PRPF8: variants seen among roughly 807,000 people sequenced by gnomAD.
PRPF8 encodes the protein pre-mRNA-processing-splicing factor 8.
A neutral mutation model predicts 285.9 loss-of-function variants in PRPF8; 64 were observed. That is an observed-to-expected ratio of 0.22 (90% CI 0.18 to 0.28). The LOEUF (loss-of-function observed/expected upper bound fraction) is 0.28. Ranked by LOEUF, PRPF8 falls within the 10% of genes least tolerant of loss-of-function variation. PRPF8 has a pLI of 1.00. For synonymous variants in PRPF8, 1,325 were observed against 1,118.2 expected, an observed-to-expected ratio of 1.18 and a Z score of -3.69; for missense variants, 1,426 against 3,026.7, an observed-to-expected ratio of 0.47 and a Z score of 12.41.
In PRPF8 at chr17:1,679,819, A is replaced by C. The variant is rs1387125949; in HGVS notation, c.1099-20T>G. On this transcript the variant is annotated intron_variant, in intron 8 of 42. Transcript: ENST00000304992. This position sits in a 1 kb window ranked among gnomAD's most constrained non-coding sequence, Gnocchi z 4.7. ...CTGGCTCTGAAAAAGGAATCCCTCT[A>C]AGGGTTTAGCTCCTGCTGAACTAGG... The C allele has an allele frequency of 6.2e-7, 1 of 1,614,080 alleles. No homozygotes were observed. Among genetic ancestry groups the C allele is most frequent in the East Asian group, 2.2e-5 (1 of 44,894 alleles).
chr17:1,662,593 G>GGA (rs1911726845), intron 24 of PRPF8, among the ~76,000 whole-genome samples: 1 of 132,828 alleles, frequency 7.5e-6, no homozygotes, highest in African/African-American at 2.8e-5. Flanking sequence ...CATCTCAGGG[G>GGA]AAAAAAAAAA....
rs945351441 is a variant in PRPF8 at position 1,673,986 on chromosome 17, A to T, written c.3300-94T>A. 4 of 1,378,356 alleles carry T rather than the reference A, an allele frequency of 2.9e-6. No homozygotes were observed. The highest frequency in any genetic ancestry group is 4.0e-6 in the Non-Finnish European group (4 of 988,668). The allele number at this position is 1,378,356 out of a possible 1,614,324, so 85.4% of individuals were successfully genotyped here. On this transcript the variant is annotated intron_variant, in intron 21 of 42. Coordinates refer to ENST00000304992, the MANE Select transcript of PRPF8 (RefSeq NM_006445.4). This position sits in a 1 kb window ranked among gnomAD's most constrained non-coding sequence, Gnocchi z 5.5. ...GCTCAATAGACGGAGACCCCACCCC[A>T]TCCTACCCCCACCCTCCCCGGGCTT...
chr17:1,676,805 G>A lies in PRPF8; in HGVS notation c.2182-94C>T, dbSNP rs1043047789. 7 of 1,508,056 alleles carry A rather than the reference G, an allele frequency of 4.6e-6. No individual in the cohort carries two copies. Among genetic ancestry groups the A allele is most frequent in the East Asian group, 2.2e-5 (1 of 44,448 alleles). The allele number at this position is 1,508,056 out of a possible 1,614,324, so 93.4% of individuals were successfully genotyped here. A position where few individuals can be genotyped will look rare whatever the true frequency, so the allele number is the denominator to read the frequency against. Reference sequence around the variant, plus strand: ...GCTACTCAGGAGGCTAAGGAGGATCGCTTGAGCTCAGGAGCTTGAGGCCAG... The same window carrying A: ...GCTACTCAGGAGGCTAAGGAGGATCACTTGAGCTCAGGAGCTTGAGGCCAG... On this transcript the variant is annotated intron_variant, in intron 15 of 42. Coordinates refer to ENST00000304992, the MANE Select transcript of PRPF8 (RefSeq NM_006445.4). This position sits in a 1 kb window ranked among gnomAD's most constrained non-coding sequence, Gnocchi z 6.3.
chr17:1,661,868 A>C lies in PRPF8; in HGVS notation c.4022+38T>G. On this transcript the variant is annotated intron_variant, in intron 25 of 42. Transcript: ENST00000304992. This position sits in a 1 kb window ranked among gnomAD's most constrained non-coding sequence, Gnocchi z 7.3. ...AAATACCCACTTCCCTTAGGGCCTG[A>C]GCAATAGGGTTTAGAAATACGTTGA... 1 of 1,614,176 alleles carries C rather than the reference A, an allele frequency of 6.2e-7. No homozygotes were observed. The highest frequency in any genetic ancestry group is 1.3e-5 in the African/African-American group (1 of 75,028).
rs1414304065 is a variant in PRPF8, at chr17:1,678,422, G to A, written c.1854+96C>T. 13 of 1,492,166 alleles carry A rather than the reference G, an allele frequency of 8.7e-6. No homozygotes were observed. The Admixed American group carries it at 1.3e-4, about 15-fold the overall frequency. The allele number at this position is 1,492,166 out of a possible 1,614,324, so 92.4% of individuals were successfully genotyped here. A position where few individuals can be genotyped will look rare whatever the true frequency, so the allele number is the denominator to read the frequency against. On this transcript the variant is annotated intron_variant, in intron 13 of 42. Transcript: ENST00000304992. Reference sequence around the variant, plus strand: ...TGCTTGAACTCAGGAGGCGGAGGTTGCAGTGAGCCAAGATCGTGCCATTGC... The same window carrying A: ...TGCTTGAACTCAGGAGGCGGAGGTTACAGTGAGCCAAGATCGTGCCATTGC...
chr17:1,660,855 G>T (rs776267035), intron 28 of PRPF8, 28 bp from the exon 29 acceptor site: 1 of 1,613,328 alleles, frequency 6.2e-7, no homozygotes, highest in East Asian at 2.2e-5. Flanking sequence ...CAGGTGAGGT[G>T]ATATCCTGCC....
At chr17:1,674,366 G>T in intron 21 of PRPF8, 76 bp downstream of exon 21, 1 of 1,448,800 alleles carries the variant, frequency 6.9e-7, no homozygotes, top group Non-Finnish European at 9.7e-7. Context: ...AGTCAACTCA[G>T]GTACAATAGC....
chr17:1,658,316 T>C lies in PRPF8; in HGVS notation c.5442A>G (p.Thr1814=). Residue 1814 remains threonine (T), a synonymous_variant, in exon 34 of 43, where the codon ACA becomes ACG. Transcript: ENST00000304992. This position sits in a 1 kb window ranked among gnomAD's most constrained non-coding sequence, Gnocchi z 4.1. The part of the protein sequence containing the change: ...NGAIFIFNPR[T]GQLFLKIIHT... ...GGATTATCTTGAGGAACAGCTGCCC[T>C]GTGCGTGGGTTGAAGATGAAGATGG... 2 of 1,614,212 alleles carry C rather than the reference T, an allele frequency of 1.2e-6. No homozygotes were observed. The highest frequency in any genetic ancestry group is 2.2e-5 in the East Asian group (1 of 44,886).
In PRPF8 at chr17:1,672,318, C is replaced by T. The variant is rs531472339; in HGVS notation, c.3774+763G>A. Among the ~76,000 whole-genome samples, 54 of 152,262 alleles carry T rather than the reference C, an allele frequency of 3.5e-4. 1 individual carries two copies. Among genetic ancestry groups the T allele is most frequent in the Admixed American group, 1.2e-3 (18 of 15,290 alleles). ...TTTTGAGATAGAGTTTTTGCTCTGT[C>T]GCCCAGGCTAGAGTGCAATGGTACG... On this transcript the variant is annotated intron_variant, in intron 24 of 42. Coordinates refer to ENST00000304992, the MANE Select transcript of PRPF8 (RefSeq NM_006445.4).
chr17:1,667,059 G>A (rs1912028511), intron 24 of PRPF8, among the ~76,000 whole-genome samples: 1 of 152,128 alleles, frequency 6.6e-6, no homozygotes, highest in Non-Finnish European at 1.5e-5. Context: ...TGTAATCCCA[G>A]CTACTCAGGA....
rs1006401848 is a variant in PRPF8 at position 1,661,859 on chromosome 17, T to C, written c.4022+47A>G. ...AAACTAAAGAAATACCCACTTCCCT[T>C]AGGGCCTGAGCAATAGGGTTTAGAA... On this transcript the variant is annotated intron_variant, in intron 25 of 42. Coordinates refer to ENST00000304992, the MANE Select transcript of PRPF8 (RefSeq NM_006445.4). The surrounding 1 kb of genome is among the most constrained non-coding windows in gnomAD (Gnocchi z 7.3). 9.9e-6 allele frequency: 16 copies of C among 1,614,054 alleles called. No homozygotes were observed. Among genetic ancestry groups the C allele is most frequent in the East Asian group, 6.7e-5 (3 of 44,900 alleles).
rs766964232 is a variant in PRPF8 at position 1,679,716 on chromosome 17, A to G, written c.1182T>C (p.Tyr394=). The G allele has an allele frequency of 6.2e-7, 1 of 1,614,172 alleles. No homozygotes were observed. The highest frequency in any genetic ancestry group is 1.1e-5 in the South Asian group (1 of 91,082). The change falls in exon 9 of 43, where the codon TAT becomes TAC. Residue 394 remains tyrosine (Y), a synonymous_variant. Coordinates refer to ENST00000304992, the MANE Select transcript of PRPF8 (RefSeq NM_006445.4). The surrounding 1 kb of genome is among the most constrained non-coding windows in gnomAD (Gnocchi z 4.7). ...CAATGCCATTGGCTGTATTGTCTGT[A>G]TAGAGGGGTGTGTCCTTCAGGAAGG... ...VEPFLKDTPL[Y]TDNTANGIAL...
chr17:1,657,390 A>C (rs1365076393), intron 34 of PRPF8, among the ~76,000 whole-genome samples: 1 of 152,190 alleles, frequency 6.6e-6, no homozygotes. Context: ...TCAAGCCTGT[A>C]ATCCCAGCAC....
At chr17:1,669,942 T>C (rs192936255) in intron 24 of PRPF8, among the ~76,000 whole-genome samples, 1 of 152,338 alleles carries the variant, frequency 6.6e-6, no homozygotes, top group Admixed American at 6.5e-5. Context: ...CTCCGAAATC[T>C]ACATCTTTAA....
At chr17:1,683,182 A>C in intron 3 of PRPF8, 1 of 341,982 alleles carries the variant, frequency 2.9e-6, no homozygotes, top group South Asian at 2.4e-5. Context: ...TTTTTAGTAG[A>C]GACGGGGTTT....
intron 34 of PRPF8, among the ~76,000 whole-genome samples, chr17:1,657,454 G>A (rs1203057603): frequency 6.6e-6 from 1 of 151,964 alleles, no homozygotes; most frequent in Non-Finnish European, 1.5e-5. Flanking sequence ...GACCATCCTG[G>A]CCAACATGGT....
intron 13 of PRPF8, among the ~76,000 whole-genome samples, 181 bp from the exon 14 acceptor site, chr17:1,677,875 T>C (rs1377063712): frequency 1.3e-5 from 2 of 151,340 alleles, no homozygotes; most frequent in Admixed American, 1.3e-4. Flanking sequence ...AAAGGGTAAA[T>C]GAGAAACCTT....
chr17:1,672,573 G>A (rs939305432), intron 24 of PRPF8, among the ~76,000 whole-genome samples: 3 of 152,144 alleles, frequency 2.0e-5, no homozygotes, highest in African/African-American at 7.2e-5. Flanking sequence ...GTGAGCCACC[G>A]TGCCCGGCCG....
At chr17:1,684,442 C>T in intron 2 of PRPF8, 30 bp downstream of exon 2, 1 of 1,611,478 alleles carries the variant, frequency 6.2e-7, no homozygotes, top group South Asian at 1.1e-5. Flanking sequence ...CCGCCTCCGG[C>T]CCGCGCGCCG....
Sources: gnomAD v4.1 joint callset for allele counts (sites outside exome capture counted in the v4.1 genomes callset) on GRCh38, gnomAD v4.1.1 for gene constraint, Gnocchi (gnomAD v3.1) non-coding constraint, MANE v1.5 for transcripts, NCBI Gene and HGNC (gene_info 2026-07-23, HGNC 2026-07-21) for gene names.